SGCZ: variants seen among roughly 807,000 people sequenced by gnomAD.
SGCZ encodes the protein zeta-sarcoglycan.
In SGCZ, 40 loss-of-function variants were observed where a neutral mutation model predicts 41.3. The ratio of observed to expected loss-of-function variants is 0.97; its 90% CI spans 0.75 to 1.26. The LOEUF is 1.26. SGCZ is among the 50% of genes most tolerant of loss of function. SGCZ has a pLI of 0.00. For missense variants in SGCZ, 552 were observed against 369.8 expected, an observed-to-expected ratio of 1.49 and a Z score of -4.04; for synonymous variants, 206 against 137.5, an observed-to-expected ratio of 1.50 and a Z score of -3.49.
At chr8:14,636,269 G>C (rs1806826049) in intron 1 of SGCZ, among the ~76,000 whole-genome samples, 1 of 151,832 alleles carries the variant, frequency 6.6e-6, no homozygotes, top group Non-Finnish European at 1.5e-5. Flanking sequence ...AAGCAATTAG[G>C]AGATGTTGAA....
At chr8:14,671,606 A>C (rs1288683467) in intron 1 of SGCZ, among the ~76,000 whole-genome samples, 1 of 152,200 alleles carries the variant, frequency 6.6e-6, no homozygotes, top group African/African-American at 2.4e-5. Context: ...AAGAATTAGA[A>C]AGAATATGAT....
intron 1 of SGCZ, among the ~76,000 whole-genome samples, chr8:14,644,248 T>G (rs1013640477): frequency 3.3e-5 from 5 of 151,704 alleles, no homozygotes; most frequent in African/African-American, 1.2e-4. Context: ...TTGAGTAAAG[T>G]AGATTGCCCT....
chr8:14,449,000 C>A (rs972872943), intron 2 of SGCZ, among the ~76,000 whole-genome samples: 1 of 152,140 alleles, frequency 6.6e-6, no homozygotes, highest in Non-Finnish European at 1.5e-5. Flanking sequence ...ACTGTGCAAA[C>A]ACAAGTTACA....
chr8:15,050,967 T>C (rs999937094), intron 1 of SGCZ, among the ~76,000 whole-genome samples: 6 of 152,208 alleles, frequency 3.9e-5, no homozygotes, highest in African/African-American at 9.6e-5. Flanking sequence ...GAGTGCCATT[T>C]GTAATGTGTT....
At chr8:15,145,273 T>C (rs1324261098) in intron 1 of SGCZ, among the ~76,000 whole-genome samples, 2 of 152,204 alleles carry the variant, frequency 1.3e-5, no homozygotes, top group Admixed American at 6.5e-5. Context: ...ATGAAACTAA[T>C]CTAAAGCGTC....
intron 3 of SGCZ, among the ~76,000 whole-genome samples, chr8:14,303,971 C>T (rs544322032): frequency 1.4e-4 from 21 of 151,950 alleles, no homozygotes; most frequent in Non-Finnish European, 2.6e-4. Context: ...AAGCTGGCCT[C>T]GAACTCCTGA....
chr8:14,315,999 G>A (rs965383638), intron 3 of SGCZ, among the ~76,000 whole-genome samples: 8 of 151,834 alleles, frequency 5.3e-5, no homozygotes, highest in African/African-American at 1.9e-4. Context: ...GAGTTCTGTT[G>A]ATTTAGAATA....
chr8:14,429,006 G>C (rs1176585486), intron 2 of SGCZ, among the ~76,000 whole-genome samples: 2 of 152,122 alleles, frequency 1.3e-5, no homozygotes, highest in African/African-American at 4.8e-5. Flanking sequence ...TTCTAAAACA[G>C]CTGATTTATT....
chr8:14,296,790 T>TA (rs914222514), intron 3 of SGCZ, among the ~76,000 whole-genome samples: 11 of 151,154 alleles, frequency 7.3e-5, no homozygotes, highest in African/African-American at 9.7e-5. Flanking sequence ...GTCAAATAAA[T>TA]AAAAAAAATT....
chr8:14,881,572 TAGAGTTGCC>T (rs1258545644), intron 1 of SGCZ, among the ~76,000 whole-genome samples: 1 of 152,166 alleles, frequency 6.6e-6, no homozygotes, highest in Non-Finnish European at 1.5e-5. Flanking sequence ...CATGGCCCTT[TAGAGTTGCC>T]TTGCATTGGC....
chr8:14,868,610 A>G (rs1804021979), intron 1 of SGCZ, among the ~76,000 whole-genome samples: 1 of 152,160 alleles, frequency 6.6e-6, no homozygotes, highest in Admixed American at 6.6e-5. Flanking sequence ...TACATGTACC[A>G]GTTTAAGCCA....
intron 1 of SGCZ, among the ~76,000 whole-genome samples, chr8:15,071,940 C>A (rs1463976855): frequency 6.6e-6 from 1 of 152,170 alleles, no homozygotes; most frequent in Non-Finnish European, 1.5e-5. Flanking sequence ...CAGACAACTT[C>A]TTTCCGGAAA....
chr8:14,364,973 T>C (rs1294221231), intron 2 of SGCZ, among the ~76,000 whole-genome samples: 2 of 152,110 alleles, frequency 1.3e-5, no homozygotes, highest in African/African-American at 2.4e-5. Flanking sequence ...GCTCTCATGT[T>C]TCATCTATCA....
chr8:15,111,709 G>A (rs1807064085), intron 1 of SGCZ, among the ~76,000 whole-genome samples: 2 of 152,052 alleles, frequency 1.3e-5, no homozygotes, highest in East Asian at 3.9e-4. Context: ...AGACCATCCT[G>A]GCCAACATGG....
intron 1 of SGCZ, among the ~76,000 whole-genome samples, chr8:15,183,297 GGCAACACAGTA>G (rs1800232851): frequency 6.6e-6 from 1 of 152,138 alleles, no homozygotes; most frequent in Non-Finnish European, 1.5e-5. Context: ...TCATACAGCT[GGCAACACAGTA>G]GCTTTGTTTA....
intron 1 of SGCZ, among the ~76,000 whole-genome samples, chr8:14,970,088 G>A (rs1801242099): frequency 6.6e-6 from 1 of 152,064 alleles, no homozygotes; most frequent in African/African-American, 2.4e-5. Flanking sequence ...ATTCTCATAA[G>A]TGTGTAGTGA....
At chr8:14,342,762 G>A (rs139838566) in intron 2 of SGCZ, among the ~76,000 whole-genome samples, 1 of 152,194 alleles carries the variant, frequency 6.6e-6, no homozygotes, top group Non-Finnish European at 1.5e-5. Context: ...CCATTTTCTG[G>A]GGAAAAATTC....
intron 2 of SGCZ, among the ~76,000 whole-genome samples, chr8:14,429,842 T>C (rs561638898): frequency 1.3e-5 from 2 of 152,258 alleles, no homozygotes; most frequent in African/African-American, 4.8e-5. Context: ...TGCTGCATGT[T>C]ACTGATCTGT....
intron 2 of SGCZ, among the ~76,000 whole-genome samples, chr8:14,411,118 C>T (rs530041281): frequency 6.6e-6 from 1 of 151,966 alleles, no homozygotes; most frequent in Non-Finnish European, 1.5e-5. Flanking sequence ...ATGGCGCCAA[C>T]CAATGCGTTT....
Sources: allele counts gnomAD v4.1 joint callset (sites outside exome capture counted in the v4.1 genomes callset), GRCh38; gene constraint gnomAD v4.1.1; transcripts MANE v1.5; gene names NCBI Gene and HGNC (gene_info 2026-07-23, HGNC 2026-07-21).